Variants in STIM1 observed in about 807,000 individuals in gnomAD.
The protein encoded by STIM1 is stromal interaction molecule 1.
In STIM1, 25 loss-of-function variants were observed where a neutral mutation model predicts 74.7. The ratio of observed to expected loss-of-function variants is 0.33; its 90% CI spans 0.24 to 0.47. The LOEUF (loss-of-function observed/expected upper bound fraction) is 0.47. Ranked by LOEUF, STIM1 falls within the 20% of genes least tolerant of loss-of-function variation. The pLI is 1.00. For synonymous variants in STIM1, 328 were observed against 348.8 expected, an observed-to-expected ratio of 0.94 and a Z score of 0.66; for missense variants, 728 against 920.8, an observed-to-expected ratio of 0.79 and a Z score of 2.71.
chr11:3,977,681 A>G (rs1261974441), intron 2 of STIM1, among the ~76,000 whole-genome samples: 2 of 152,234 alleles, frequency 1.3e-5, no homozygotes, highest in Non-Finnish European at 2.9e-5. Context: ...TGATGCAAAC[A>G]AGCCTGTATT....
intron 1 of STIM1, among the ~76,000 whole-genome samples, chr11:3,919,162 T>C (rs2092687003): frequency 6.6e-6 from 1 of 152,188 alleles, no homozygotes; most frequent in Non-Finnish European, 1.5e-5. Context: ...GAGCCAGTCA[T>C]TGTCTGGGGC....
rs188236039 is a variant in STIM1, at chr11:4,007,695, T to A, written c.271-16178T>A. Among the ~76,000 whole-genome samples the A allele has an allele frequency of 1.1e-4, 16 of 152,334 alleles. No homozygotes were observed. The East Asian group carries it at 3.1e-3, about 29-fold the overall frequency. ...CTCTCCTTCCAATAATAATCTCAAT[T>A]AATATCTGAATTGTGCTTTCAAACT... On this transcript the variant is annotated intron_variant, in intron 2 of 12. Transcript: ENST00000526596.
intron 1 of STIM1, among the ~76,000 whole-genome samples, chr11:3,900,265 G>A (rs1384732023): frequency 1.3e-5 from 2 of 152,166 alleles, no homozygotes; most frequent in African/African-American, 2.4e-5. Flanking sequence ...CTCCTGGTGC[G>A]CTGTTTTTTA....
intron 2 of STIM1, among the ~76,000 whole-genome samples, chr11:3,981,470 G>T (rs757935525): frequency 4.6e-5 from 7 of 152,116 alleles, no homozygotes; most frequent in Non-Finnish European, 1.0e-4. Flanking sequence ...CTGAGTTGAC[G>T]TTATTTTTGA....
At chr11:3,989,067 A>G in intron 2 of STIM1, 2 of 1,295,282 alleles carry the variant, frequency 1.5e-6, no homozygotes, top group East Asian at 5.8e-5. Flanking sequence ...CTACTAAAAA[A>G]CTTGCATTTA....
intron 2 of STIM1, among the ~76,000 whole-genome samples, chr11:4,017,396 T>C (rs2135987378): frequency 6.6e-6 from 1 of 152,348 alleles, no homozygotes; most frequent in African/African-American, 2.4e-5. Context: ...GTGTGTTTTG[T>C]GGCACCAGTA....
intron 1 of STIM1, among the ~76,000 whole-genome samples, chr11:3,950,160 G>T (rs561691827): frequency 7.5e-5 from 11 of 146,092 alleles, no homozygotes; most frequent in Admixed American, 6.2e-4. Flanking sequence ...TTGAGACAGA[G>T]TCTTGCTCTG....
At chr11:3,956,823 CAAAAAAAAAAAAAAA>C (rs78285130) in intron 1 of STIM1, among the ~76,000 whole-genome samples, 4 of 38,200 alleles carry the variant, frequency 1.0e-4, no homozygotes, top group South Asian at 1.7e-3. Flanking sequence ...ACCCTGTCTC[CAAAAAAAAAAAAAAA>C]AAAAAAAAAA....
chr11:3,948,620 A>G (rs1021008946), intron 1 of STIM1, among the ~76,000 whole-genome samples: 1 of 152,352 alleles, frequency 6.6e-6, no homozygotes, highest in South Asian at 2.1e-4. Flanking sequence ...GAAGACATGT[A>G]TAAGCAGGTG....
At position 4,086,381 on chromosome 11, in the gene STIM1, G is replaced by C. The variant is rs2094493065; in HGVS notation, c.1568-96G>C. The C allele has an allele frequency of 2.8e-6, 4 of 1,423,496 alleles. No homozygotes were observed. In the African/African-American group the frequency reaches 4.3e-5, roughly 15 times the overall value. The allele number at this position is 1,423,496 out of a possible 1,614,324, so 88.2% of individuals were successfully genotyped here. ...CTCCAGATTGGCATTAGAGGCCCAG[G>C]GTGGTCTCCAGCAAGCATTTATTCA... On this transcript the variant is annotated intron_variant, in intron 11 of 12. Coordinates refer to ENST00000526596, the MANE Select transcript of STIM1 (RefSeq NM_001382567.1).
At chr11:4,042,654 A>G (rs1191701843) in intron 3 of STIM1, among the ~76,000 whole-genome samples, 2 of 152,286 alleles carry the variant, frequency 1.3e-5, no homozygotes, top group Admixed American at 6.5e-5. Flanking sequence ...TTGACCCTAT[A>G]TATAACTCTT....
At chr11:4,008,177 A>G (rs2093801373) in intron 2 of STIM1, among the ~76,000 whole-genome samples, 2 of 152,172 alleles carry the variant, frequency 1.3e-5, no homozygotes, top group Admixed American at 6.6e-5. Context: ...GTACACAAAT[A>G]CTTACTACTG....
chr11:4,011,053 C>T (rs1432809992), intron 2 of STIM1, among the ~76,000 whole-genome samples: 1 of 152,064 alleles, frequency 6.6e-6, no homozygotes, highest in Admixed American at 6.6e-5. Flanking sequence ...TGAACTCATC[C>T]TTTTTTATGG....
chr11:4,071,583 G>T (rs529815627), intron 6 of STIM1, among the ~76,000 whole-genome samples: 37 of 152,242 alleles, frequency 2.4e-4, no homozygotes, highest in Non-Finnish European at 4.0e-4. Context: ...GACTCAAGAG[G>T]TCTACCTCAG....
chr11:3,906,269 A>T (rs2092464104), intron 1 of STIM1, among the ~76,000 whole-genome samples: 1 of 152,216 alleles, frequency 6.6e-6, no homozygotes, highest in East Asian at 1.9e-4. Context: ...AAAGAGCAAA[A>T]CACTGAGAAT....
At chr11:3,886,239 G>A (rs1319094294) in intron 1 of STIM1, among the ~76,000 whole-genome samples, 1 of 152,112 alleles carries the variant, frequency 6.6e-6, no homozygotes, top group East Asian at 1.9e-4. Context: ...AGAGAAAGAC[G>A]GATAACCTAA....
intron 2 of STIM1, among the ~76,000 whole-genome samples, chr11:4,014,137 A>G (rs1311520352): frequency 6.6e-6 from 1 of 151,642 alleles, no homozygotes; most frequent in Non-Finnish European, 1.5e-5. Flanking sequence ...TTTAATTGTG[A>G]TGTTAGGGTG....
intron 2 of STIM1, among the ~76,000 whole-genome samples, chr11:3,991,950 C>CAAAAAAAAAAAAAAAAAA (rs1230185435): frequency 1.1e-4 from 4 of 36,690 alleles, no homozygotes; most frequent in East Asian, 1.1e-3. Context: ...AACTCCATCT[C>CAAAAAAAAAAAAAAAAAA]AAAAAAAAAA....
At chr11:4,075,196 A>G (rs2094431058) in intron 7 of STIM1, among the ~76,000 whole-genome samples, 1 of 152,190 alleles carries the variant, frequency 6.6e-6, no homozygotes, top group Non-Finnish European at 1.5e-5. Context: ...AATAGTCACT[A>G]TGATTTTCAA....
Sources: gnomAD v4.1 joint callset for allele counts (sites outside exome capture counted in the v4.1 genomes callset) on GRCh38, gnomAD v4.1.1 for gene constraint, MANE v1.5 for transcripts, NCBI Gene and HGNC (gene_info 2026-07-23, HGNC 2026-07-21) for gene names.